The following MIOS variants were observed in gnomAD, a reference collection of about 807,000 sequenced individuals.
MIOS encodes GATOR2 complex protein MIOS.
In MIOS, 52 loss-of-function variants were observed where a neutral mutation model predicts 96.9. That is an observed-to-expected ratio of 0.54 (90% CI 0.43 to 0.68). MIOS has a LOEUF of 0.68. Ranked by LOEUF, MIOS falls within the 30% of genes least tolerant of loss-of-function variation. MIOS has a pLI of 0.00. For synonymous variants in MIOS, 397 were observed against 359.5 expected, an observed-to-expected ratio of 1.10 and a Z score of -1.18; for missense variants, 1,005 against 1,052.8, an observed-to-expected ratio of 0.95 and a Z score of 0.63.
At position 7,572,616 on chromosome 7, in the gene MIOS, A is replaced by T. The variant is rs955135263; in HGVS notation, c.141A>T (p.Glu47Asp). The change falls in exon 4 of 13, where the codon GAA (glutamate) becomes GAT (aspartate). Residue 47 changes from glutamate to aspartate, a missense_variant. Transcript: ENST00000340080. The surrounding 1 kb of genome is among the most constrained non-coding windows in gnomAD (Gnocchi z 4.8). ...AAGCTGGATCTTTACGTTTATCTGA[A>T]GACTCTGCAGCTACATTACTGTCAA... ...ELKAGSLRLSEDSAATLLSIN... is the reference protein window; with the variant it reads ...ELKAGSLRLSDDSAATLLSIN... 12 of 1,613,998 alleles carry T rather than the reference A, an allele frequency of 7.4e-6. No homozygotes were observed. The highest frequency in any genetic ancestry group is 1.3e-5 in the African/African-American group (1 of 74,918).
chr7:7,604,458 T>A (rs1015464272), intron 11 of MIOS, among the ~76,000 whole-genome samples: 1 of 152,204 alleles, frequency 6.6e-6, no homozygotes, highest in South Asian at 2.1e-4. Context: ...ATTCAACAAA[T>A]GTTTATTTGG....
chr7:7,581,060 G>T (rs1333204843), intron 5 of MIOS, among the ~76,000 whole-genome samples: 20 of 150,344 alleles, frequency 1.3e-4, no homozygotes, highest in Admixed American at 1.3e-3. Flanking sequence ...GGTGGCTCAT[G>T]CCTGTAATCC....
chr7:7,586,826 C>T (rs1783900940), intron 7 of MIOS, among the ~76,000 whole-genome samples: 1 of 151,826 alleles, frequency 6.6e-6, no homozygotes, highest in Admixed American at 6.6e-5. Context: ...TTAAATGTAT[C>T]TTGGAGAGAT....
chr7:7,606,886 G>A (rs867879678), intron 12 of MIOS, 110 bp from the exon 13 acceptor site: 37 of 837,544 alleles, frequency 4.4e-5, no homozygotes, highest in Middle Eastern at 7.3e-4. Context: ...AAAAGTGTGC[G>A]TACAGCCTGG....
intron 11 of MIOS, among the ~76,000 whole-genome samples, chr7:7,597,662 A>G (rs1188602777): frequency 1.4e-5 from 2 of 143,592 alleles, no homozygotes; most frequent in Non-Finnish European, 3.2e-5. Flanking sequence ...TGGAATATAT[A>G]CATATACACA....
In MIOS at chr7:7,583,329, C is replaced by G; in HGVS notation, c.1605C>G (p.Arg535=). The G allele has an allele frequency of 6.2e-7, 1 of 1,613,356 alleles. No individual in the cohort carries two copies. Among genetic ancestry groups the G allele is most frequent in the Admixed American group, 1.7e-5 (1 of 59,968 alleles). ...AAVALFNLDI[R]RAIQILNEGA... is the part of the protein sequence containing the mutation. The stretch of plus-strand genomic sequence containing the variant: ...TGGCATTGTTCAACTTGGATATTCG[C>G]CGAGCAATCCAAATCCTGAATGAAG... The change falls in exon 6 of 13, where the codon CGC becomes CGG. Residue 535 remains arginine, a synonymous_variant. Transcript: ENST00000340080.
chr7:7,605,736 TCCA>T (rs1466773125), intron 11 of MIOS: 1 of 453,046 alleles, frequency 2.2e-6, no homozygotes, highest in Non-Finnish European at 3.8e-6. Flanking sequence ...GATTTTTTTT[TCCA>T]TTTTTATATT....
At position 7,589,511 on chromosome 7, in the gene MIOS, G is replaced by C; in HGVS notation, c.1991G>C (p.Ser664Thr). 6.2e-7 allele frequency: 1 copy of C among 1,613,430 alleles called. No homozygotes were observed. Among genetic ancestry groups the C allele is most frequent in the Non-Finnish European group, 8.5e-7 (1 of 1,179,562 alleles). The change falls in exon 9 of 13, where the codon AGT becomes ACT. Residue 664 changes from serine (S) to threonine (T), a missense_variant. Physicochemically the swap from Ser to Thr is moderately conservative, Grantham distance 58. Coordinates refer to ENST00000340080, the MANE Select transcript of MIOS (RefSeq NM_019005.4). ...AAAGATGGAGTGGACTTAATGGAGA[G>C]TTATGTTGATAGAACTGGAGATGTT... is the stretch of plus-strand genomic sequence containing the variant. Reference protein sequence around the residue: ...LTKDGVDLMESYVDRTGDVQT... With the variant: ...LTKDGVDLMETYVDRTGDVQT...
At chr7:7,592,752 C>T (rs1205512871) in intron 9 of MIOS, among the ~76,000 whole-genome samples, 1 of 152,114 alleles carries the variant, frequency 6.6e-6, no homozygotes, top group African/African-American at 2.4e-5. Context: ...ACTGATCTGA[C>T]AGGAGGCAGA....
rs1784587832 is a variant in MIOS, at chr7:7,608,468, C to A, written c.*1376C>A. The stretch of plus-strand genomic sequence containing the variant: ...TACCTTGAGTGTCTGATACATAAAA[C>A]CCTTTTCTAGGAAAACATTGGAAGT... On this transcript the variant is annotated 3_prime_UTR_variant, in exon 13 of 13. Coordinates refer to ENST00000340080, the MANE Select transcript of MIOS (RefSeq NM_019005.4). The A allele has an allele frequency of 6.6e-6, 1 of 151,980 alleles. No homozygotes were observed. Among genetic ancestry groups the A allele is most frequent in the Non-Finnish European group, 1.5e-5 (1 of 67,934 alleles). 9.4% of individuals were successfully genotyped at this position (151,980 alleles called of 1,614,324 possible).
chr7:7,594,467 G>A (rs1427027494), intron 9 of MIOS, among the ~76,000 whole-genome samples: 1 of 152,102 alleles, frequency 6.6e-6, no homozygotes, highest in Non-Finnish European at 1.5e-5. Flanking sequence ...GCTAATTTTT[G>A]TATTTTTACT....
chr7:7,579,154 A>G (rs915356254), intron 5 of MIOS, among the ~76,000 whole-genome samples: 9 of 152,224 alleles, frequency 5.9e-5, no homozygotes, highest in African/African-American at 2.2e-4. Context: ...GCATAAATAT[A>G]TTTTACTTCG....
rs1438124736 is a variant in MIOS at position 7,567,029 on chromosome 7, T to A, written c.-264T>A. Reference sequence around the variant, plus strand: ...GGCTCCTGCGGCGGGCGGGGCGGTGTCCCGGCCGGAAGCGGCTGTGCGGCG... The same window carrying A: ...GGCTCCTGCGGCGGGCGGGGCGGTGACCCGGCCGGAAGCGGCTGTGCGGCG... On this transcript the variant is annotated 5_prime_UTR_variant, in exon 1 of 13. Coordinates refer to ENST00000340080, the MANE Select transcript of MIOS (RefSeq NM_019005.4). The A allele has an allele frequency of 1.3e-5, 2 of 151,816 alleles. No individual in the cohort carries two copies. Among genetic ancestry groups the A allele is most frequent in the African/African-American group, 4.8e-5 (2 of 41,314 alleles). The allele number at this position is 151,816 out of a possible 1,614,324, so 9.4% of individuals were successfully genotyped here. A position where few individuals can be genotyped will look rare whatever the true frequency, so the allele number is the denominator to read the frequency against.
rs1419570768 is a variant in MIOS, at chr7:7,595,112, A to G, written c.2176A>G (p.Ser726Gly). ...FDIHRSKLDP[S>G]SKPLAQVFVS... ...TATTCACAGGAGTAAGTTGGATCCC[A>G]GTTCCAAGCCTTTAGCACAAGTAAG... The change falls in exon 10 of 13, where the codon AGT becomes GGT. Residue 726 changes from serine (S) to glycine (G), a missense_variant. Coordinates refer to ENST00000340080, the MANE Select transcript of MIOS (RefSeq NM_019005.4). 2 of 1,613,388 alleles carry G rather than the reference A, an allele frequency of 1.2e-6. No homozygotes were observed. Among genetic ancestry groups the G allele is most frequent in the Non-Finnish European group, 8.5e-7 (1 of 1,179,830 alleles).
chr7:7,598,881 A>G (rs1396958080), intron 11 of MIOS, among the ~76,000 whole-genome samples: 1 of 152,140 alleles, frequency 6.6e-6, no homozygotes, highest in Non-Finnish European at 1.5e-5. Context: ...ATCAAATATT[A>G]ACATTTTTCC....
intron 5 of MIOS, among the ~76,000 whole-genome samples, chr7:7,576,237 A>G (rs1783527272): frequency 6.6e-6 from 1 of 152,250 alleles, no homozygotes; most frequent in African/African-American, 2.4e-5. Context: ...TATTACCTAC[A>G]TGCATGCTAT....
Position 7,573,632 on chromosome 7 carries a change from T to C in MIOS, c.1157T>C (p.Leu386Ser), listed in dbSNP as rs779164379. 2 of 1,614,030 alleles carry C rather than the reference T, an allele frequency of 1.2e-6. No homozygotes were observed. The highest frequency in any genetic ancestry group is 2.2e-5 in the East Asian group (1 of 44,878). Residue 386 changes from leucine to serine, a missense_variant, in exon 4 of 13, where the codon TTA becomes TCA. Around this residue, in one of 3 missense-constraint regions of MIOS, gnomAD observed 865 missense variants for 887.9 expected, o/e 0.97. Coordinates refer to ENST00000340080, the MANE Select transcript of MIOS (RefSeq NM_019005.4). This position sits in a 1 kb window ranked among gnomAD's most constrained non-coding sequence, Gnocchi z 5.0. ...ACGGAAGAAGAAAATGATAATTCTT[T>C]AGAAAAAGATATAGCAACGAAGATG... ...ECTEEENDNS[L>S]EKDIATKMRL...
At position 7,572,833 on chromosome 7, in the gene MIOS, G is replaced by T; in HGVS notation, c.358G>T (p.Ala120Ser). The change falls in exon 4 of 13, where the codon GCC becomes TCC. Residue 120 changes from alanine to serine, a missense_variant. Coordinates refer to ENST00000340080, the MANE Select transcript of MIOS (RefSeq NM_019005.4). The surrounding 1 kb of genome is among the most constrained non-coding windows in gnomAD (Gnocchi z 4.8). Reference sequence around the variant, plus strand: ...ACATGCACGACAATGTAATACCCTTGCCTGGAATCCACTGGATAGTAACTG... The same window carrying T: ...ACATGCACGACAATGTAATACCCTTTCCTGGAATCCACTGGATAGTAACTG... The part of the protein sequence containing the change: ...PKHARQCNTL[A>S]WNPLDSNWLA... 1 of 1,614,130 alleles carries T rather than the reference G, an allele frequency of 6.2e-7. No homozygotes were observed.
chr7:7,599,882 A>G (rs963464034), intron 11 of MIOS, among the ~76,000 whole-genome samples: 1 of 152,208 alleles, frequency 6.6e-6, no homozygotes, highest in African/African-American at 2.4e-5. Flanking sequence ...TTGCAGCAGC[A>G]TGGATAGAGC....
Sources: gnomAD v4.1 joint callset for allele counts (sites outside exome capture counted in the v4.1 genomes callset) on GRCh38, gnomAD v4.1.1 for gene constraint, gnomAD v4.1.1 regional missense constraint, Gnocchi (gnomAD v3.1) non-coding constraint, MANE v1.5 for transcripts, NCBI Gene and HGNC (gene_info 2026-07-23, HGNC 2026-07-21) for gene names.